Variants in ARID1B observed in about 807,000 individuals in gnomAD.
ARID1B encodes AT-rich interactive domain-containing protein 1B.
In ARID1B, 30 loss-of-function variants were observed where a neutral mutation model predicts 212.3. The observed-to-expected ratio is 0.14, with a 90% CI of 0.11 to 0.19. The LOEUF is 0.19. Among genes scored for constraint, ARID1B ranks in the 10% least tolerant of loss-of-function variants. ARID1B has a pLI of 1.00. For synonymous variants in ARID1B, 1,402 were observed against 1,301.7 expected, an observed-to-expected ratio of 1.08 and a Z score of -1.66; for missense variants, 2,891 against 3,204.0, an observed-to-expected ratio of 0.90 and a Z score of 2.36.
At chr6:156,788,953 C>T (rs1779835715) in intron 1 of ARID1B, among the ~76,000 whole-genome samples, 1 of 152,074 alleles carries the variant, frequency 6.6e-6, no homozygotes, top group African/African-American at 2.4e-5. Context: ...ATCATAGACT[C>T]CTGGTGTTTT....
intron 3 of ARID1B, among the ~76,000 whole-genome samples, chr6:156,919,333 A>G (rs1790600162): frequency 6.6e-6 from 1 of 152,182 alleles, no homozygotes; most frequent in African/African-American, 2.4e-5. Flanking sequence ...GCATTGGATC[A>G]TAATTTGATA....
intron 3 of ARID1B, among the ~76,000 whole-genome samples, chr6:156,925,271 TGA>T (rs1791128305): frequency 6.6e-6 from 1 of 152,206 alleles, no homozygotes; most frequent in Non-Finnish European, 1.5e-5. Context: ...TTTGCAGTGT[TGA>T]GTCCTTTGTC....
intron 8 of ARID1B, among the ~76,000 whole-genome samples, chr6:157,157,161 C>G (rs1449293951): frequency 6.6e-6 from 1 of 152,156 alleles, no homozygotes; most frequent in Admixed American, 6.5e-5. Flanking sequence ...GGTGGCTGTG[C>G]TCACTCGGAG....
intron 4 of ARID1B, among the ~76,000 whole-genome samples, chr6:157,045,501 C>T (rs1483692828): frequency 2.0e-5 from 3 of 152,156 alleles, no homozygotes; most frequent in Non-Finnish European, 2.9e-5. Flanking sequence ...GAGTCTCTCT[C>T]TGTCACCCAG....
rs1782962425 is a variant in ARID1B, at chr6:156,829,159, A to G, written c.1792-68A>G. On this transcript the variant is annotated intron_variant, in intron 1 of 19. Coordinates refer to ENST00000636930, the MANE Select transcript of ARID1B (RefSeq NM_001374828.1). ...TTGTGTTATTAATGCATATGTTGAC[A>G]TAACACAAATTTGTGCCTTTGTAAT... 6 of 1,335,206 alleles carry G rather than the reference A, an allele frequency of 4.5e-6. No homozygotes were observed. The Admixed American group carries it at 6.2e-5, about 14-fold the overall frequency. The allele number at this position is 1,335,206 out of a possible 1,614,324, so 82.7% of individuals were successfully genotyped here. A position where few individuals can be genotyped will look rare whatever the true frequency, so the allele number is the denominator to read the frequency against.
At chr6:156,872,521 A>G (rs929080111) in intron 2 of ARID1B, among the ~76,000 whole-genome samples, 1 of 152,076 alleles carries the variant, frequency 6.6e-6, no homozygotes, top group Non-Finnish European at 1.5e-5. Flanking sequence ...GGGTTTCGTC[A>G]TGTTGGCCAG....
intron 6 of ARID1B, among the ~76,000 whole-genome samples, chr6:157,127,185 A>G (rs377119599): frequency 5.3e-5 from 8 of 152,332 alleles, no homozygotes; most frequent in African/African-American, 1.9e-4. Flanking sequence ...AATCATAGAC[A>G]CCTATAGCTG....
intron 2 of ARID1B, among the ~76,000 whole-genome samples, chr6:156,852,384 GT>G (rs1208538015): frequency 6.6e-6 from 1 of 151,764 alleles, no homozygotes; most frequent in African/African-American, 2.4e-5. Flanking sequence ...GGAGTTTGAG[GT>G]TACAGTGAGC....
chr6:156,847,904 A>G (rs548259549), intron 2 of ARID1B, among the ~76,000 whole-genome samples: 9 of 152,292 alleles, frequency 5.9e-5, no homozygotes, highest in Admixed American at 2.0e-4. Flanking sequence ...AGAGAATCCA[A>G]TAAATAAAAC....
intron 3 of ARID1B, among the ~76,000 whole-genome samples, chr6:156,912,555 G>C (rs181921553): frequency 1.3e-5 from 2 of 152,216 alleles, no homozygotes; most frequent in East Asian, 3.9e-4. Context: ...TTTCCCTAAG[G>C]CTATTTCAGA....
chr6:156,901,185 C>G (rs1236230829), intron 2 of ARID1B, among the ~76,000 whole-genome samples, 191 bp from the exon 3 acceptor site: 3 of 152,092 alleles, frequency 2.0e-5, no homozygotes, highest in Non-Finnish European at 2.9e-5. Flanking sequence ...AAGCAGATTG[C>G]CTTTTGACTT....
chr6:156,823,597 A>T (rs1388206595), intron 1 of ARID1B, among the ~76,000 whole-genome samples: 4 of 151,752 alleles, frequency 2.6e-5, no homozygotes, highest in African/African-American at 9.7e-5. Context: ...AAGAGGGAAG[A>T]GTTTTCTATC....
At chr6:156,935,747 C>T in intron 4 of ARID1B, 171 bp downstream of exon 4, 1 of 565,980 alleles carries the variant, frequency 1.8e-6, no homozygotes, top group Admixed American at 3.1e-5. Context: ...CTCTGTAGTC[C>T]TGGATAAGTC....
chr6:156,845,464 C>T (rs930937902), intron 2 of ARID1B, among the ~76,000 whole-genome samples: 1 of 152,064 alleles, frequency 6.6e-6, no homozygotes. Context: ...ATGTGCGTGT[C>T]TCTGCTTGTC....
At chr6:156,781,449 C>T (rs1779259868) in intron 1 of ARID1B, among the ~76,000 whole-genome samples, 1 of 151,978 alleles carries the variant, frequency 6.6e-6, no homozygotes, top group African/African-American at 2.4e-5. Flanking sequence ...AAATCCTAAT[C>T]TGTTAGAGAG....
chr6:157,131,334 G>C (rs559369305), intron 6 of ARID1B, among the ~76,000 whole-genome samples: 1 of 152,276 alleles, frequency 6.6e-6, no homozygotes, highest in East Asian at 1.9e-4. Context: ...AAAATAAAGT[G>C]ATTACCAGTG....
intron 8 of ARID1B, among the ~76,000 whole-genome samples, chr6:157,155,756 C>G (rs1006654224): frequency 6.6e-6 from 1 of 152,090 alleles, no homozygotes; most frequent in South Asian, 2.1e-4. Flanking sequence ...GTAACCCCAC[C>G]GTATTGCTGT....
intron 1 of ARID1B, among the ~76,000 whole-genome samples, chr6:156,794,638 G>A (rs1215330897): frequency 1.4e-5 from 2 of 144,784 alleles, no homozygotes; most frequent in Non-Finnish European, 3.0e-5. Context: ...GTGCAGTGGT[G>A]CGATCTTGGT....
intron 2 of ARID1B, among the ~76,000 whole-genome samples, chr6:156,840,557 G>C (rs1305399265): frequency 7.2e-5 from 11 of 152,214 alleles, no homozygotes; most frequent in Admixed American, 6.5e-4. Context: ...AAAAATGTCT[G>C]TGTGCTTTAG....
Sources: gnomAD v4.1 joint callset for allele counts (sites outside exome capture counted in the v4.1 genomes callset) on GRCh38, gnomAD v4.1.1 for gene constraint, MANE v1.5 for transcripts, NCBI Gene and HGNC (gene_info 2026-07-23, HGNC 2026-07-21) for gene names.